The following VWF variants were observed in gnomAD, a reference collection of about 807,000 sequenced individuals.
VWF encodes Factor VIII related antigen.
VWF carries 176 observed loss-of-function variants against 308.6 expected under a neutral mutation model. The ratio of observed to expected loss-of-function variants is 0.57; its 90% confidence interval spans 0.50 to 0.65. The LOEUF (loss-of-function observed/expected upper bound fraction) is 0.65. VWF is among the 30% of genes least tolerant of loss of function. The probability of loss-of-function intolerance (pLI) is 0.00; values close to 1 mark genes in which losing one functional copy is unlikely to be tolerated. For missense variants in VWF, 3,146 were observed against 3,648.2 expected (o/e 0.86, Z 3.55); for synonymous variants, 1,385 against 1,443.4 (o/e 0.96, Z 0.92).
intron 6 of VWF, among the ~76,000 whole-genome samples, chr12:6,092,058 G>T (rs766171206): frequency 6.6e-6 from 1 of 152,136 alleles, no homozygotes; most frequent in Non-Finnish European, 1.5e-5. Flanking sequence ...GTGGCCTGTC[G>T]CGTCCATCAT....
intron 31 of VWF, among the ~76,000 whole-genome samples, chr12:6,015,647 CTCA>C (rs1203194662): frequency 2.0e-5 from 3 of 152,026 alleles, no homozygotes; most frequent in Non-Finnish European, 4.4e-5. Context: ...TCCTTTGTCT[CTCA>C]TCCATCAACC....
chr12:5,952,246 T>C (rs1943199997), intron 49 of VWF, 145 bp downstream of exon 49: 3 of 1,210,222 alleles, frequency 2.5e-6, no homozygotes, highest in South Asian at 2.5e-5. Flanking sequence ...AGGCTTTGAT[T>C]TCGTAATCTC....
chr12:5,976,671 C>A (rs1943536922), intron 42 of VWF, among the ~76,000 whole-genome samples: 1 of 152,018 alleles, frequency 6.6e-6, no homozygotes, highest in Non-Finnish European at 1.5e-5. Flanking sequence ...TGCCCACTTA[C>A]GAGCAAATTG....
intron 6 of VWF, among the ~76,000 whole-genome samples, chr12:6,090,053 G>A (rs1427466082): frequency 6.6e-6 from 1 of 152,088 alleles, no homozygotes; most frequent in Non-Finnish European, 1.5e-5. Context: ...TGCCTCCCAG[G>A]TTCATGCCAT....
At chr12:6,096,554 A>G (rs1945107814) in intron 5 of VWF, among the ~76,000 whole-genome samples, 1 of 152,202 alleles carries the variant, frequency 6.6e-6, no homozygotes, top group Admixed American at 6.5e-5. Flanking sequence ...TCTTATCTCT[A>G]AATTCTTATA....
rs901621564 is a variant in VWF at position 6,011,762 on chromosome 12, G to A, written c.5697C>T (p.Cys1899=). The A allele has an allele frequency of 8.7e-6, 14 of 1,613,170 alleles. No individual in the cohort carries two copies. Among genetic ancestry groups the A allele is most frequent in the Non-Finnish European group, 1.1e-5 (13 of 1,179,544 alleles). The stretch of plus-strand genomic sequence containing the variant: ...CATCTGGCTGGCAAGTCACGGTGTG[G>A]CACTGGTCTGGCAAGGTCCAGACGT... The part of the protein sequence containing the change: ...PGDVWTLPDQ[C]HTVTCQPDGQ... Residue 1899 remains cysteine (C), a synonymous_variant, in exon 34 of 52, where the codon TGC becomes TGT. Transcript: ENST00000261405.
intron 22 of VWF, among the ~76,000 whole-genome samples, chr12:6,028,786 G>A (rs1423908151): frequency 6.6e-6 from 1 of 152,122 alleles, no homozygotes; most frequent in Non-Finnish European, 1.5e-5. Context: ...GAAACAACCA[G>A]TACCAGCCAC....
At chr12:6,030,648 C>G (rs1944251261) in intron 21 of VWF, among the ~76,000 whole-genome samples, 1 of 152,178 alleles carries the variant, frequency 6.6e-6, no homozygotes, top group Non-Finnish European at 1.5e-5. Context: ...TAAACAAGAT[C>G]TCCTAAGGGA....
intron 34 of VWF, among the ~76,000 whole-genome samples, chr12:6,008,836 T>C (rs1465434364): frequency 1.3e-5 from 2 of 152,138 alleles, no homozygotes; most frequent in Non-Finnish European, 2.9e-5. Flanking sequence ...GAATACAAAA[T>C]CAACATACAA....
At position 5,967,571 on chromosome 12, in the gene VWF, G is replaced by A. The variant is rs138303680; in HGVS notation, c.7802C>T (p.Thr2601Met). 1.1e-5 allele frequency: 17 copies of A among 1,613,872 alleles called. No individual in the cohort carries two copies. Among genetic ancestry groups the A allele is most frequent in the African/African-American group, 8.0e-5 (6 of 74,884 alleles). Residue 2601 changes from threonine to methionine, a missense_variant, in exon 47 of 52, where the codon ACG (threonine) becomes ATG (methionine). Coordinates refer to ENST00000261405, the MANE Select transcript of VWF (RefSeq NM_000552.5). ...PGKTVMIDVC[T>M]TCRCMVQVGV... is the part of the protein sequence containing the mutation. Reference sequence around the variant, plus strand: ...CACCTGCACCATGCAGCGGCAGGTCGTGCACACATCGATCATCACAGTCTT... The same window carrying A: ...CACCTGCACCATGCAGCGGCAGGTCATGCACACATCGATCATCACAGTCTT...
rs779918842 is a variant in VWF, at chr12:5,949,006, G to A, written c.*9C>T. ...GGCAGCAGCAGGCACCCATGCAGCT[G>A]CAGCAGCCTCACTTGCTGCACTTCC... On this transcript the variant is annotated 3_prime_UTR_variant, in exon 52 of 52. Transcript: ENST00000261405. 1 of 1,610,282 alleles carries A rather than the reference G, an allele frequency of 6.2e-7. No homozygotes were observed. Among genetic ancestry groups the A allele is most frequent in the South Asian group, 1.1e-5 (1 of 90,350 alleles).
rs1176898164 is a variant in VWF at position 6,036,629 on chromosome 12, C to T, written c.2443-138G>A. 6 of 821,214 alleles carry T rather than the reference C, an allele frequency of 7.3e-6. No individual in the cohort carries two copies. In the Admixed American group the frequency reaches 8.0e-5, roughly 11 times the overall value. 50.9% of individuals were successfully genotyped at this position (821,214 alleles called of 1,614,324 possible). Reference sequence around the variant, plus strand: ...ACTGGGACTGGCACCAGGACCAGGGCTGAGCCAGGGGGACAGCTTCCACTG... The same window carrying T: ...ACTGGGACTGGCACCAGGACCAGGGTTGAGCCAGGGGGACAGCTTCCACTG... On this transcript the variant is annotated intron_variant, in intron 18 of 51. Coordinates refer to ENST00000261405, the MANE Select transcript of VWF (RefSeq NM_000552.5).
intron 35 of VWF, 56 bp downstream of exon 35, chr12:5,995,946 G>T (rs1406661637): frequency 1.3e-6 from 2 of 1,558,128 alleles, no homozygotes; most frequent in African/African-American, 1.3e-5. Flanking sequence ...CCAGGTCCAG[G>T]TGGTTTTCCT....
chr12:6,018,252 G>C, intron 28 of VWF, 113 bp downstream of exon 28: 1 of 1,369,346 alleles, frequency 7.3e-7, no homozygotes, highest in Non-Finnish European at 1.0e-6. Context: ...AGGCCACACA[G>C]ACCAGGGAAG....
chr12:6,020,455 ACTGGCCAGGCT>A lies in VWF; in HGVS notation c.3675-723_3675-713del, dbSNP rs1161889567. ...GGTGAGCACCTCTCATGTGCCAGGT[ACTGGCCAGGCT>A]CTGTGCCCAGCCCCAAGCACACACC... is the stretch of plus-strand genomic sequence containing the variant. On this transcript the variant is annotated intron_variant, in intron 27 of 51. Coordinates refer to ENST00000261405, the MANE Select transcript of VWF (RefSeq NM_000552.5). The surrounding 1 kb of genome is among the most constrained non-coding windows in gnomAD (Gnocchi z 4.3). Among the ~76,000 whole-genome samples, 2 of 152,226 alleles carry A rather than the reference ACTGGCCAGGCT, an allele frequency of 1.3e-5. No individual in the cohort carries two copies. The highest frequency in any genetic ancestry group is 1.3e-4 in the Admixed American group (2 of 15,284).
chr12:5,955,313 C>A (rs1266169363), intron 47 of VWF, among the ~76,000 whole-genome samples: 3 of 151,894 alleles, frequency 2.0e-5, no homozygotes, highest in African/African-American at 7.3e-5. Flanking sequence ...GTGTGCTGCA[C>A]CCATTAACTC....
chr12:6,029,282 G>C (rs543825381), intron 22 of VWF, 60 bp downstream of exon 22: 1 of 1,609,944 alleles, frequency 6.2e-7, no homozygotes, highest in South Asian at 1.1e-5. Context: ...CTACGATCAG[G>C]GAGCAGAAAA....
At chr12:6,100,762 G>A (rs1945153799) in intron 5 of VWF, among the ~76,000 whole-genome samples, 1 of 152,266 alleles carries the variant, frequency 6.6e-6, no homozygotes, top group South Asian at 2.1e-4. Flanking sequence ...AGAGTGGGGA[G>A]GGATAGCATT....
At chr12:6,081,341 T>TG (rs1238514131) in intron 6 of VWF, among the ~76,000 whole-genome samples, 1 of 151,828 alleles carries the variant, frequency 6.6e-6, no homozygotes, top group African/African-American at 2.4e-5. Flanking sequence ...TGTTTTTTGT[T>TG]TTGTTTTGTT....
Sources: allele counts gnomAD v4.1 joint callset (sites outside exome capture counted in the v4.1 genomes callset), GRCh38; gene constraint gnomAD v4.1.1; non-coding constraint Gnocchi (gnomAD v3.1); transcripts MANE v1.5; gene names NCBI Gene and HGNC (gene_info 2026-07-23, HGNC 2026-07-21).